Variants in ADGRB3 observed in about 807,000 individuals in gnomAD.
The protein encoded by ADGRB3 is brain-specific angiogenesis inhibitor 3.
ADGRB3 carries 37 observed loss-of-function variants against 193.4 expected under a neutral mutation model. The observed-to-expected ratio is 0.19, with a 90% CI of 0.15 to 0.25. The LOEUF is 0.25. ADGRB3 is among the 10% of genes least tolerant of loss of function. ADGRB3 has a pLI of 1.00. For missense variants in ADGRB3, 1,637 were observed against 1,852.9 expected (o/e 0.88, Z 2.14); for synonymous variants, 690 against 644.2 (o/e 1.07, Z -1.08).
rs567038199 is a variant in ADGRB3 at position 69,279,951 on chromosome 6, C to T, written c.2814+40725C>T. ...AAAAAATGTATTAGAGAAAAGCCTC[C>T]TACTGCTTTCAGCTGCTGTAGTCAG... On this transcript the variant is annotated intron_variant, in intron 20 of 31. Transcript: ENST00000370598. 6.6e-5 allele frequency among the ~76,000 whole-genome samples: 10 copies of T among 152,232 alleles called. No individual in the cohort carries two copies. In the South Asian group the frequency reaches 2.1e-3, roughly 32 times the overall value.
chr6:69,218,087 A>G (rs1272930221), intron 17 of ADGRB3, among the ~76,000 whole-genome samples: 2 of 138,222 alleles, frequency 1.4e-5, no homozygotes, highest in Non-Finnish European at 3.3e-5. Flanking sequence ...AAAAAAAAAG[A>G]AGAAGTCAAA....
intron 8 of ADGRB3, among the ~76,000 whole-genome samples, chr6:68,957,360 G>C (rs1329764631): frequency 6.6e-6 from 1 of 152,078 alleles, no homozygotes; most frequent in Non-Finnish European, 1.5e-5. Context: ...ATATTTTACA[G>C]GATCATTTAG....
intron 3 of ADGRB3, among the ~76,000 whole-genome samples, chr6:68,876,915 G>A (rs1340910639): frequency 6.6e-6 from 1 of 151,502 alleles, no homozygotes; most frequent in African/African-American, 2.4e-5. Context: ...TAAATATTTT[G>A]TACACACCCA....
chr6:68,855,692 G>T (rs1192625366), intron 3 of ADGRB3, among the ~76,000 whole-genome samples: 2 of 152,044 alleles, frequency 1.3e-5, no homozygotes, highest in African/African-American at 4.8e-5. Flanking sequence ...AGATTTAATT[G>T]TATTGCCCAA....
At chr6:69,039,738 T>C (rs1770973389) in intron 13 of ADGRB3, among the ~76,000 whole-genome samples, 1 of 133,728 alleles carries the variant, frequency 7.5e-6, no homozygotes, top group East Asian at 2.0e-4. Flanking sequence ...ATAATTGTTT[T>C]TTTCTTTTTT....
chr6:69,128,816 A>G, intron 17 of ADGRB3, among the ~76,000 whole-genome samples: 1 of 152,154 alleles, frequency 6.6e-6, no homozygotes, highest in East Asian at 1.9e-4. Context: ...TATAATTCCC[A>G]TGTTCCTTAT....
intron 3 of ADGRB3, among the ~76,000 whole-genome samples, chr6:68,744,779 C>G (rs1411881282): frequency 6.6e-6 from 1 of 152,018 alleles, no homozygotes; most frequent in Non-Finnish European, 1.5e-5. Flanking sequence ...GGAGAAATGC[C>G]TAATGTAGGT....
At chr6:68,930,489 A>G in intron 3 of ADGRB3, 70 bp from the exon 4 acceptor site, 1 of 1,034,758 alleles carries the variant, frequency 9.7e-7, no homozygotes, top group South Asian at 1.5e-5. Flanking sequence ...AACATATTGC[A>G]TGAGACAGTA....
intron 3 of ADGRB3, among the ~76,000 whole-genome samples, chr6:68,922,148 T>C (rs575692358): frequency 5.3e-5 from 8 of 151,628 alleles, no homozygotes; most frequent in African/African-American, 2.0e-4. Context: ...ACAATAATGT[T>C]TTTCTATGAA....
At chr6:69,128,513 A>T (rs150528686) in intron 17 of ADGRB3, among the ~76,000 whole-genome samples, 204 of 151,936 alleles carry the variant, frequency 1.3e-3, no homozygotes, top group African/African-American at 4.8e-3. Context: ...CTTTCTACTG[A>T]GGTCTTTTTC....
chr6:68,808,426 C>CTT (rs574558007), intron 3 of ADGRB3, among the ~76,000 whole-genome samples: 2 of 139,798 alleles, frequency 1.4e-5, no homozygotes, highest in Non-Finnish European at 1.6e-5. Context: ...TTTTCAAGAC[C>CTT]TTTTTTTTTT....
chr6:68,845,153 G>A (rs150204725), intron 3 of ADGRB3, among the ~76,000 whole-genome samples: 1 of 152,236 alleles, frequency 6.6e-6, no homozygotes, highest in African/African-American at 2.4e-5. Flanking sequence ...TGAGGTAAAT[G>A]GATATCACAC....
intron 17 of ADGRB3, among the ~76,000 whole-genome samples, chr6:69,184,222 C>T (rs540848669): frequency 3.9e-5 from 6 of 151,978 alleles, no homozygotes; most frequent in Non-Finnish European, 7.4e-5. Context: ...TTACAATAAA[C>T]AACAAAAAGT....
At chr6:68,932,161 C>G (rs1460085519) in intron 4 of ADGRB3, among the ~76,000 whole-genome samples, 1 of 151,966 alleles carries the variant, frequency 6.6e-6, no homozygotes, top group African/African-American at 2.4e-5. Context: ...GGCATTTCTG[C>G]AAGATTAAAA....
intron 3 of ADGRB3, among the ~76,000 whole-genome samples, chr6:68,845,183 A>G (rs1302881629): frequency 6.6e-6 from 1 of 152,224 alleles, no homozygotes; most frequent in African/African-American, 2.4e-5. Context: ...TGTGACTATT[A>G]TACACTGTAT....
intron 16 of ADGRB3, among the ~76,000 whole-genome samples, chr6:69,066,039 A>G (rs116798109): frequency 3.9e-5 from 6 of 152,090 alleles, no homozygotes; most frequent in African/African-American, 1.4e-4. Context: ...ATGCAAATAT[A>G]TATAAGATAC....
intron 13 of ADGRB3, among the ~76,000 whole-genome samples, chr6:69,024,667 A>G (rs1464525036): frequency 6.6e-6 from 1 of 152,250 alleles, no homozygotes; most frequent in African/African-American, 2.4e-5. Context: ...ACCCTAACAG[A>G]TACAAGAATC....
At chr6:69,318,782 A>T (rs1768373608) in intron 20 of ADGRB3, among the ~76,000 whole-genome samples, 1 of 150,844 alleles carries the variant, frequency 6.6e-6, no homozygotes, top group African/African-American at 2.4e-5. Context: ...TATCTCTCAT[A>T]ATTTATGTTT....
At chr6:69,196,333 G>A (rs1765295937) in intron 17 of ADGRB3, among the ~76,000 whole-genome samples, 1 of 152,050 alleles carries the variant, frequency 6.6e-6, no homozygotes, top group Non-Finnish European at 1.5e-5. Context: ...TGGCCTTTCT[G>A]TATTAGCTGG....
Sources: gnomAD v4.1 joint callset for allele counts (sites outside exome capture counted in the v4.1 genomes callset) on GRCh38, gnomAD v4.1.1 for gene constraint, MANE v1.5 for transcripts, NCBI Gene and HGNC (gene_info 2026-07-23, HGNC 2026-07-21) for gene names.